GABRB1: variants seen among roughly 807,000 people sequenced by gnomAD.
GABRB1 encodes the protein gamma-aminobutyric acid receptor subunit beta-1.
Under a neutral mutation model 51.6 loss-of-function variants are expected in GABRB1, and 17 were observed. The observed-to-expected ratio is 0.33, with a 90% CI of 0.23 to 0.49. GABRB1 has a LOEUF of 0.49. GABRB1 is among the 20% of genes least tolerant of loss of function. The pLI, the probability that GABRB1 is intolerant of heterozygous loss-of-function variation, is 0.99. For missense variants in GABRB1, 410 were observed against 600.6 expected (o/e 0.68, Z 3.32); for synonymous variants, 247 against 218.9 (o/e 1.13, Z -1.14).
intron 5 of GABRB1, among the ~76,000 whole-genome samples, chr4:47,363,527 C>T (rs6848790): frequency 0.45 from 67,676 of 151,756 alleles, 15,714 homozygotes; most frequent in Non-Finnish European, 0.5. Context: ...CATGACCACT[C>T]TCCCAGGTCA....
At chr4:47,031,537 A>C (rs1725295552), upstream of GABRB1, 3 of 800,914 alleles carry the variant, frequency 3.7e-6, no homozygotes, top group Non-Finnish European at 6.5e-6. Flanking sequence ...GTCTTTTGGT[A>C]GTGAGCGCGC....
chr4:47,362,391 T>C (rs1179540526), intron 5 of GABRB1, among the ~76,000 whole-genome samples: 1 of 152,004 alleles, frequency 6.6e-6, no homozygotes, highest in East Asian at 1.9e-4. Context: ...AAAAATGGGA[T>C]AGGTGGAGTG....
In GABRB1 at chr4:47,022,501, C is replaced by T. The variant is rs1278066008; in HGVS notation, c.-19-9413C>T. On this transcript the variant is annotated intron_variant, in intron 1 of 3. Coordinates refer to the GABRB1 transcript ENST00000513567. ...TCTCAAGAGTGTTTTAGATGTTTTT[C>T]TTTATCCATGATGTTCCAAAATTTC... is the stretch of plus-strand genomic sequence containing the variant. Among the ~76,000 whole-genome samples, 3 of 151,928 alleles carry T rather than the reference C, an allele frequency of 2.0e-5. No individual in the cohort carries two copies. In the East Asian group the frequency reaches 5.8e-4, roughly 29 times the overall value.
chr4:47,426,144 C>A lies in GABRB1; in HGVS notation c.*126C>A. On this transcript the variant is annotated 3_prime_UTR_variant, in exon 9 of 9. Transcript: ENST00000295454. ...TTCAGCCATCCAATTGGTTTTAGGT[C>A]TTGCATATCAGTTTTATTACTGCAC... The A allele has an allele frequency of 1.4e-6, 1 of 729,948 alleles. No individual in the cohort carries two copies. Among genetic ancestry groups the A allele is most frequent in the Non-Finnish European group, 2.2e-6 (1 of 454,036 alleles). The allele number at this position is 729,948 out of a possible 1,614,324, so 45.2% of individuals were successfully genotyped here.
chr4:47,034,857 G>A (rs181860071), intron 3 of GABRB1, among the ~76,000 whole-genome samples: 160 of 152,238 alleles, frequency 1.1e-3, no homozygotes, highest in Non-Finnish European at 1.7e-3. Context: ...AATATAAATA[G>A]GGTAGGAAGT....
At chr4:47,027,089 T>C (rs373281193), upstream of GABRB1, among the ~76,000 whole-genome samples, 40 of 151,768 alleles carry the variant, frequency 2.6e-4, 1 homozygote, top group East Asian at 6.6e-3. Context: ...AAATGTTAAC[T>C]ATACTTATTA....
intron 4 of GABRB1, among the ~76,000 whole-genome samples, chr4:47,262,253 G>A (rs1187890934): frequency 6.6e-6 from 1 of 152,074 alleles, no homozygotes; most frequent in Non-Finnish European, 1.5e-5. Flanking sequence ...AGAGTGAACA[G>A]GCAACCTATA....
At chr4:47,279,125 T>TGGAC (rs1723188669) in intron 4 of GABRB1, among the ~76,000 whole-genome samples, 1 of 151,800 alleles carries the variant, frequency 6.6e-6, no homozygotes, top group Non-Finnish European at 1.5e-5. Flanking sequence ...GATGGATGGA[T>TGGAC]GGATGGATAG....
intron 5 of GABRB1, among the ~76,000 whole-genome samples, chr4:47,362,952 G>A (rs990230523): frequency 1.3e-5 from 2 of 152,030 alleles, no homozygotes; most frequent in East Asian, 1.9e-4. Flanking sequence ...GAAGAGATAT[G>A]TGCAAGATGC....
intron 4 of GABRB1, among the ~76,000 whole-genome samples, chr4:47,208,925 G>T (rs1299182976): frequency 6.6e-6 from 1 of 151,924 alleles, no homozygotes; most frequent in South Asian, 2.1e-4. Context: ...TTAGCTTTTG[G>T]TACTATCCGT....
intron 3 of GABRB1, among the ~76,000 whole-genome samples, chr4:47,144,364 G>A (rs1717062346): frequency 6.6e-6 from 1 of 151,936 alleles, no homozygotes; most frequent in Non-Finnish European, 1.5e-5. Context: ...TCCCTCTGAA[G>A]GCACCAAAGT....
chr4:47,401,220 T>G (rs1375368051), intron 5 of GABRB1, among the ~76,000 whole-genome samples: 3 of 152,256 alleles, frequency 2.0e-5, no homozygotes, highest in Admixed American at 6.5e-5. Flanking sequence ...GTAGTGGGAT[T>G]GCTAAATCGA....
intron 3 of GABRB1, among the ~76,000 whole-genome samples, chr4:47,073,645 T>G (rs1211263422): frequency 1.3e-5 from 2 of 152,148 alleles, no homozygotes; most frequent in Admixed American, 6.5e-5. Flanking sequence ...TAGAAGTTAC[T>G]TTTGCCTTTC....
chr4:47,170,421 A>T (rs1718392163), intron 4 of GABRB1, among the ~76,000 whole-genome samples: 1 of 151,884 alleles, frequency 6.6e-6, no homozygotes, highest in South Asian at 2.1e-4. Flanking sequence ...ACACACACGC[A>T]CACACGCACA....
intron 4 of GABRB1, among the ~76,000 whole-genome samples, chr4:47,240,694 T>A (rs1304228016): frequency 6.6e-6 from 1 of 152,192 alleles, no homozygotes; most frequent in African/African-American, 2.4e-5. Flanking sequence ...GTAATTTAAA[T>A]TTTCAGTACC....
intron 3 of GABRB1, among the ~76,000 whole-genome samples, chr4:47,033,357 G>T (rs555121568): frequency 6.6e-6 from 1 of 152,234 alleles, no homozygotes; most frequent in Non-Finnish European, 1.5e-5. Context: ...TCTGTTGGCT[G>T]GTTCCGTCCA....
intron 3 of GABRB1, among the ~76,000 whole-genome samples, chr4:47,052,533 C>G (rs747114568): frequency 1.3e-5 from 2 of 152,176 alleles, no homozygotes; most frequent in Non-Finnish European, 2.9e-5. Context: ...ATACAAACTC[C>G]GAAGTACGGA....
chr4:47,217,760 A>G (rs1720611590), intron 4 of GABRB1, among the ~76,000 whole-genome samples: 1 of 151,784 alleles, frequency 6.6e-6, no homozygotes, highest in South Asian at 2.1e-4. Context: ...TTTAGATACA[A>G]GCACACAATG....
chr4:47,216,901 G>T (rs1720576393), intron 4 of GABRB1, among the ~76,000 whole-genome samples: 4 of 151,774 alleles, frequency 2.6e-5, no homozygotes, highest in Non-Finnish European at 5.9e-5. Flanking sequence ...ATAAATAAAT[G>T]CTTATTGCCA....
Sources: allele counts gnomAD v4.1 joint callset (sites outside exome capture counted in the v4.1 genomes callset), GRCh38; gene constraint gnomAD v4.1.1; transcripts MANE v1.5; gene names NCBI Gene and HGNC (gene_info 2026-07-23, HGNC 2026-07-21).